Variants in KIF9 observed in about 807,000 individuals in gnomAD.
The protein encoded by KIF9 is kinesin-like protein KIF9.
KIF9 carries 68 observed loss-of-function variants against 94.8 expected under a neutral mutation model. The ratio of observed to expected loss-of-function variants is 0.72; its 90% CI spans 0.59 to 0.88. The LOEUF (loss-of-function observed/expected upper bound fraction) is 0.88. KIF9 is among the 40% of genes least tolerant of loss of function. The pLI is 0.00. For missense variants in KIF9, 882 were observed against 982.5 expected (o/e 0.90, Z 1.37); for synonymous variants, 343 against 362.1 (o/e 0.95, Z 0.60).
At chr3:47,247,996 T>C (rs1297398134) in intron 11 of KIF9, 22 bp downstream of exon 11, 2 of 1,597,128 alleles carry the variant, frequency 1.3e-6, no homozygotes, top group South Asian at 1.1e-5. Flanking sequence ...TCTGCCCTCC[T>C]TCTTTGCCTC....
intron 12 of KIF9, 25 bp downstream of exon 12, chr3:47,247,348 T>G: frequency 1.3e-6 from 2 of 1,526,386 alleles, no homozygotes; most frequent in Non-Finnish European, 1.8e-6. Context: ...TGGCTGAGCA[T>G]AGTGGTCACA....
intron 8 of KIF9, among the ~76,000 whole-genome samples, chr3:47,264,605 T>A (rs1169128178): frequency 6.6e-6 from 1 of 152,036 alleles, no homozygotes; most frequent in Non-Finnish European, 1.5e-5. Context: ...CCTGGCTAAT[T>A]TTTTTTGTTT....
In KIF9 at chr3:47,248,046, T is replaced by A. The variant is rs1700039779; in HGVS notation, c.1100A>T (p.Lys367Met). The part of the protein sequence containing the change: ...KNLEKELALL[K>M]QELAIHDSLT... ...GCTGTCATGGATAGCCAGCTCCTGC[T>A]TGAGTAGTGCTAGTTCCTTCTCCAG... Residue 367 changes from lysine to methionine, a missense_variant, in exon 11 of 21, where the codon AAG (lysine) becomes ATG (methionine). Coordinates refer to ENST00000684063, the MANE Select transcript of KIF9 (RefSeq NM_182902.4). 2 of 1,613,906 alleles carry A rather than the reference T, an allele frequency of 1.2e-6. No individual in the cohort carries two copies. The highest frequency in any genetic ancestry group is 4.5e-5 in the East Asian group (2 of 44,868).
chr3:47,273,522 T>C (rs769232028), intron 4 of KIF9, 30 bp downstream of exon 4: 2 of 1,520,370 alleles, frequency 1.3e-6, no homozygotes, highest in Non-Finnish European at 1.8e-6. Flanking sequence ...GGAACCTGTG[T>C]GGCATCCCAC....
In KIF9 at chr3:47,255,765, C is replaced by T. The variant is rs946919930; in HGVS notation, c.1059+1718G>A. ...TCTCCCCACGGTCTCCCTCTCCCCA[C>T]GGTCTCCCTCTCCCTCTCTTTCCAC... On this transcript the variant is annotated intron_variant, in intron 10 of 20. Transcript: ENST00000684063. 4.7e-5 allele frequency among the ~76,000 whole-genome samples: 7 copies of T among 149,390 alleles called. No homozygotes were observed. The South Asian group carries it at 6.3e-4, about 13-fold the overall frequency.
Position 47,228,697 on chromosome 3 carries a change from A to G in KIF9, c.2328T>C (p.Asn776=). Reference sequence around the variant, plus strand: ...GGAGGCCCATCATGGTTTTCAAGTAATTATGCTGGACACAGAGGGAAGAGA... The same window carrying G: ...GGAGGCCCATCATGGTTTTCAAGTAGTTATGCTGGACACAGAGGGAAGAGA... ...NAKVKIEQKH[N]YLKTMMGLQQ... Residue 776 remains asparagine, a synonymous_variant, in exon 21 of 21, where the codon AAT becomes AAC. Transcript: ENST00000684063. The G allele has an allele frequency of 6.2e-7, 1 of 1,613,790 alleles. No individual in the cohort carries two copies. Among genetic ancestry groups the G allele is most frequent in the Admixed American group, 1.7e-5 (1 of 60,014 alleles).
At chr3:47,236,979 T>C (rs572830895) in intron 17 of KIF9, among the ~76,000 whole-genome samples, 1 of 152,250 alleles carries the variant, frequency 6.6e-6, no homozygotes, top group Non-Finnish European at 1.5e-5. Context: ...TCTTGTAAAT[T>C]ACATCTACAA....
chr3:47,240,720 C>A, intron 17 of KIF9, 81 bp downstream of exon 17: 1 of 1,213,208 alleles, frequency 8.2e-7, no homozygotes, highest in Non-Finnish European at 1.2e-6. Context: ...TCTCAGACCT[C>A]TAGTGCCAAG....
At chr3:47,245,182 C>G (rs1559433446) in intron 14 of KIF9, 1 of 601,004 alleles carries the variant, frequency 1.7e-6, no homozygotes, top group South Asian at 2.1e-5. Flanking sequence ...AAGCTTATTT[C>G]CAACCTAATT....
At chr3:47,233,695 C>CAAAAG (rs746537431) in intron 20 of KIF9, among the ~76,000 whole-genome samples, 6 of 149,426 alleles carry the variant, frequency 4.0e-5, no homozygotes, top group Non-Finnish European at 5.9e-5. Flanking sequence ...AACACCGTCT[C>CAAAAG]AAAAGAAAAG....
At chr3:47,270,975 C>CA (rs35244035) in intron 5 of KIF9, among the ~76,000 whole-genome samples, 47,654 of 90,948 alleles carry the variant, frequency 0.52, 10,810 homozygotes, top group Non-Finnish European at 0.6. Flanking sequence ...CTTGTCTCTA[C>CA]AAAAAAAAAA....
At chr3:47,263,833 C>T (rs991452177) in intron 9 of KIF9, 2 of 456,618 alleles carry the variant, frequency 4.4e-6, no homozygotes, top group African/African-American at 4.0e-5. Context: ...TCCTGCTTAC[C>T]ATGGTGCACA....
intron 20 of KIF9, among the ~76,000 whole-genome samples, chr3:47,234,272 C>T (rs1166175644): frequency 6.0e-5 from 9 of 150,316 alleles, no homozygotes; most frequent in Middle Eastern, 3.4e-3. Flanking sequence ...CTCATTCTGT[C>T]GCCGAGGCTG....
At chr3:47,263,003 A>G (rs1701078835) in intron 9 of KIF9, among the ~76,000 whole-genome samples, 1 of 151,662 alleles carries the variant, frequency 6.6e-6, no homozygotes, top group Non-Finnish European at 1.5e-5. Flanking sequence ...GGTTCAAGCG[A>G]TTCTCCTGTC....
chr3:47,231,037 TA>T (rs983710975), intron 20 of KIF9, among the ~76,000 whole-genome samples: 11 of 147,780 alleles, frequency 7.4e-5, no homozygotes, highest in South Asian at 2.1e-4. Flanking sequence ...AAACTCCGTC[TA>T]AAAAAAAAAG....
chr3:47,278,706 T>C (rs1702128767), intron 1 of KIF9, among the ~76,000 whole-genome samples: 4 of 151,912 alleles, frequency 2.6e-5, no homozygotes, highest in Admixed American at 2.6e-4. Flanking sequence ...GTGCGGTGGC[T>C]CAGGCCTGTA....
rs78909397 is a variant in KIF9 at position 47,255,049 on chromosome 3, T to C, written c.1059+2434A>G. Among the ~76,000 whole-genome samples the C allele has an allele frequency of 1.0e-2, 1,516 of 152,264 alleles. 30 individuals are homozygous for C. The highest frequency in any genetic ancestry group is 0.035 in the African/African-American group (1,462 of 41,538). ...GAGCCACAGGGACTGTCATTTTCCT[T>C]CAGGATTTAGAATCTGAAAAGTTTA... On this transcript the variant is annotated intron_variant, in intron 10 of 20. Transcript: ENST00000684063.
chr3:47,244,836 G>C lies in KIF9; in HGVS notation c.1469C>G (p.Pro490Arg). 6.2e-7 allele frequency: 1 copy of C among 1,614,104 alleles called. No homozygotes were observed. The highest frequency in any genetic ancestry group is 1.1e-5 in the South Asian group (1 of 91,080). The stretch of plus-strand genomic sequence containing the variant: ...CTTCTTGGACTTGGCTTTCTTCCCA[G>C]GTTTGGTAGAGAAAGGGGCGACTCC... ...GLGVAPFSTK[P>R]GKKAKSKKTF... is the part of the protein sequence containing the mutation. The change falls in exon 15 of 21, where the codon CCT becomes CGT. Residue 490 changes from proline (P) to arginine (R), a missense_variant. Coordinates refer to ENST00000684063, the MANE Select transcript of KIF9 (RefSeq NM_182902.4).
chr3:47,280,863 CT>C, intron 1 of KIF9: 1 of 701,310 alleles, frequency 1.4e-6, no homozygotes, highest in African/African-American at 1.7e-5. Context: ...GCAATAAAGT[CT>C]TCCTTTGCAC....
Sources: gnomAD v4.1 joint callset for allele counts (sites outside exome capture counted in the v4.1 genomes callset) on GRCh38, gnomAD v4.1.1 for gene constraint, MANE v1.5 for transcripts, NCBI Gene and HGNC (gene_info 2026-07-23, HGNC 2026-07-21) for gene names.